The following PPP3CA variants were observed in gnomAD, a reference collection of about 807,000 sequenced individuals.
The protein encoded by PPP3CA is CAM-PRP catalytic subunit.
PPP3CA carries 14 observed loss-of-function variants against 66.5 expected under a neutral mutation model. The ratio of observed to expected loss-of-function variants is 0.21; its 90% CI spans 0.14 to 0.33. The LOEUF is 0.33. Ranked by LOEUF, PPP3CA falls within the 10% of genes least tolerant of loss-of-function variation. The pLI is 1.00. For synonymous variants in PPP3CA, 232 were observed against 226.2 expected, an observed-to-expected ratio of 1.03 and a Z score of -0.23; for missense variants, 317 against 639.5, an observed-to-expected ratio of 0.50 and a Z score of 5.44.
At chr4:101,203,156 G>C (rs910000409) in intron 1 of PPP3CA, among the ~76,000 whole-genome samples, 4 of 152,132 alleles carry the variant, frequency 2.6e-5, no homozygotes, top group African/African-American at 9.7e-5. Flanking sequence ...GATTAAATCT[G>C]AAATGTGCTA....
At chr4:101,193,275 C>G (rs1023613610) in intron 2 of PPP3CA, among the ~76,000 whole-genome samples, 2 of 152,080 alleles carry the variant, frequency 1.3e-5, no homozygotes, top group African/African-American at 4.8e-5. Flanking sequence ...AAATGTGTTG[C>G]CTCACTGATT....
At chr4:101,192,582 T>C (rs1282762564) in intron 2 of PPP3CA, among the ~76,000 whole-genome samples, 1 of 152,160 alleles carries the variant, frequency 6.6e-6, no homozygotes, top group Non-Finnish European at 1.5e-5. Flanking sequence ...AGAACATAAC[T>C]AGCCACTTTA....
intron 10 of PPP3CA, 148 bp from the exon 11 acceptor site, chr4:101,040,714 T>C: frequency 1.6e-6 from 1 of 641,074 alleles, no homozygotes. Flanking sequence ...AAATCAAATT[T>C]GAAAATTTAA....
chr4:101,181,848 G>T (rs1724246963), intron 2 of PPP3CA, among the ~76,000 whole-genome samples: 1 of 151,972 alleles, frequency 6.6e-6, no homozygotes, highest in Admixed American at 6.6e-5. Flanking sequence ...GCACAATTAG[G>T]GATGTTATAA....
chr4:101,186,024 A>G (rs1036218541), intron 2 of PPP3CA, among the ~76,000 whole-genome samples: 26 of 152,176 alleles, frequency 1.7e-4, no homozygotes, highest in Admixed American at 1.6e-3. Context: ...TAGTGTACAA[A>G]AGAATAAAGG....
chr4:101,154,980 C>T (rs1003172397), intron 2 of PPP3CA, among the ~76,000 whole-genome samples: 13 of 152,000 alleles, frequency 8.6e-5, no homozygotes, highest in African/African-American at 3.1e-4. Flanking sequence ...CCACACCCAG[C>T]TAATTTTTGT....
chr4:101,346,057 C>T (rs1414384617), intron 1 of PPP3CA, among the ~76,000 whole-genome samples: 1 of 152,064 alleles, frequency 6.6e-6, no homozygotes, highest in Admixed American at 6.5e-5. Flanking sequence ...GGTCGTTCCC[C>T]GCCTCCCGCG....
chr4:101,157,502 A>G (rs978519993), intron 2 of PPP3CA, among the ~76,000 whole-genome samples: 13 of 152,188 alleles, frequency 8.5e-5, no homozygotes, highest in Non-Finnish European at 1.6e-4. Flanking sequence ...GACAGTCTCT[A>G]AAGTTTCAAG....
intron 2 of PPP3CA, among the ~76,000 whole-genome samples, chr4:101,187,711 C>T (rs2110181684): frequency 6.6e-6 from 1 of 152,232 alleles, no homozygotes; most frequent in Admixed American, 6.5e-5. Context: ...TCCAAATATC[C>T]ACTCAAACTT....
At chr4:101,094,729 T>C (rs879768148) in intron 5 of PPP3CA, among the ~76,000 whole-genome samples, 1 of 152,160 alleles carries the variant, frequency 6.6e-6, no homozygotes, top group Non-Finnish European at 1.5e-5. Context: ...AAAAGGTGCA[T>C]TTAGAAGGCA....
intron 11 of PPP3CA, among the ~76,000 whole-genome samples, chr4:101,038,795 T>C (rs1269626173): frequency 5.3e-5 from 8 of 152,246 alleles, no homozygotes; most frequent in African/African-American, 1.9e-4. Context: ...AACTTACTTT[T>C]TTCTGGATAG....
chr4:101,039,401 C>T (rs539547979), intron 11 of PPP3CA, among the ~76,000 whole-genome samples: 1 of 145,118 alleles, frequency 6.9e-6, no homozygotes, highest in Admixed American at 6.9e-5. Flanking sequence ...TTACTTATGG[C>T]ATGAATGAAT....
intron 2 of PPP3CA, among the ~76,000 whole-genome samples, chr4:101,180,275 A>G (rs979908189): frequency 2.0e-5 from 3 of 152,174 alleles, no homozygotes; most frequent in African/African-American, 7.2e-5. Context: ...GATAAATTGT[A>G]GTATCATCCA....
chr4:101,323,397 C>T (rs146925554), intron 1 of PPP3CA, among the ~76,000 whole-genome samples: 91 of 152,322 alleles, frequency 6.0e-4, no homozygotes, highest in Non-Finnish European at 1.0e-3. Flanking sequence ...TGAAATACTT[C>T]AACAAGCTAA....
intron 3 of PPP3CA, among the ~76,000 whole-genome samples, chr4:101,102,348 CAGAG>C (rs1045154093): frequency 6.7e-5 from 10 of 150,148 alleles, no homozygotes; most frequent in South Asian, 6.3e-4. Context: ...GAGAGAGAGA[CAGAG>C]AGAGAGAGAG....
chr4:101,124,481 C>T (rs971048883), intron 2 of PPP3CA, among the ~76,000 whole-genome samples: 1 of 151,478 alleles, frequency 6.6e-6, no homozygotes, highest in Non-Finnish European at 1.5e-5. Flanking sequence ...CAAAAATTAG[C>T]CAGGCATGTA....
chr4:101,029,050 C>T, intron 13 of PPP3CA, 116 bp downstream of exon 13: 1 of 951,986 alleles, frequency 1.1e-6, no homozygotes, highest in Non-Finnish European at 1.6e-6. Context: ...AATACTGAGC[C>T]ACAACTGTTA....
intron 1 of PPP3CA, among the ~76,000 whole-genome samples, chr4:101,237,395 T>C (rs1239322290): frequency 2.6e-5 from 4 of 151,996 alleles, no homozygotes; most frequent in African/African-American, 9.7e-5. Flanking sequence ...ATTTCAGTTA[T>C]TGAGTAGCTA....
intron 1 of PPP3CA, among the ~76,000 whole-genome samples, chr4:101,208,482 G>A (rs866283973): frequency 6.6e-6 from 1 of 152,166 alleles, no homozygotes; most frequent in Admixed American, 6.5e-5. Context: ...ACAAAGGGAT[G>A]CTGGCATGGC....
Sources: allele counts gnomAD v4.1 joint callset (sites outside exome capture counted in the v4.1 genomes callset), GRCh38; gene constraint gnomAD v4.1.1; transcripts MANE v1.5; gene names NCBI Gene and HGNC (gene_info 2026-07-23, HGNC 2026-07-21).